Variants in ADARB2 observed in about 807,000 individuals in gnomAD.
The protein encoded by ADARB2 is inactive double-stranded RNA-specific editase B2.
Under a neutral mutation model 62.2 loss-of-function variants are expected in ADARB2, and 25 were observed. That is an observed-to-expected ratio of 0.40 (90% CI 0.29 to 0.56). The LOEUF is 0.56. ADARB2 is among the 20% of genes least tolerant of loss of function. The probability of loss-of-function intolerance (pLI) is 0.43; values close to 1 mark genes in which losing one functional copy is unlikely to be tolerated. For missense variants in ADARB2, 1,071 were observed against 1,077.4 expected (o/e 0.99, Z 0.08); for synonymous variants, 572 against 500.8 (o/e 1.14, Z -1.90).
chr10:1,506,803 C>CT (rs1831858453), intron 1 of ADARB2, among the ~76,000 whole-genome samples: 1 of 152,202 alleles, frequency 6.6e-6, no homozygotes, highest in African/African-American at 2.4e-5. Flanking sequence ...GAGGTGGAGT[C>CT]TTTGGGAGGT....
chr10:1,652,042 C>T (rs372842862), intron 1 of ADARB2, among the ~76,000 whole-genome samples: 5 of 152,330 alleles, frequency 3.3e-5, no homozygotes, highest in African/African-American at 9.6e-5. Flanking sequence ...GACGGGGCTG[C>T]GCCTTTCTCT....
At chr10:1,376,775 G>A (rs1272485410) in intron 2 of ADARB2, among the ~76,000 whole-genome samples, 1 of 151,146 alleles carries the variant, frequency 6.6e-6, no homozygotes, top group Non-Finnish European at 1.5e-5. Flanking sequence ...CGGGATCCCA[G>A]CAGCTCCAGG....
At chr10:1,705,208 C>T (rs990102929) in intron 1 of ADARB2, among the ~76,000 whole-genome samples, 3 of 152,230 alleles carry the variant, frequency 2.0e-5, no homozygotes, top group Non-Finnish European at 4.4e-5. Flanking sequence ...CACTTTGACA[C>T]TTTGAGGACA....
At chr10:1,729,633 C>A (rs1332508384) in intron 1 of ADARB2, among the ~76,000 whole-genome samples, 1 of 152,070 alleles carries the variant, frequency 6.6e-6, no homozygotes, top group South Asian at 2.1e-4. Flanking sequence ...ACTAATAAAA[C>A]CTGCTTTTTG....
At chr10:1,339,493 C>T (rs1231556128) in intron 3 of ADARB2, among the ~76,000 whole-genome samples, 1 of 152,226 alleles carries the variant, frequency 6.6e-6, no homozygotes, top group Non-Finnish European at 1.5e-5. Flanking sequence ...CATCTTGCCT[C>T]TCACATCCCT....
At chr10:1,431,852 A>T (rs1188842136) in intron 1 of ADARB2, among the ~76,000 whole-genome samples, 1 of 152,242 alleles carries the variant, frequency 6.6e-6, no homozygotes, top group Non-Finnish European at 1.5e-5. Context: ...CATACTTAGA[A>T]GAAATGGCTT....
chr10:1,184,832 G>C (rs1314625798), intron 9 of ADARB2, 29 bp downstream of exon 9: 1 of 1,601,876 alleles, frequency 6.2e-7, no homozygotes, highest in Non-Finnish European at 8.5e-7. Context: ...GCTGGGTCCA[G>C]TTTCCCTGCA....
At chr10:1,249,441 C>CA (rs59037749) in intron 4 of ADARB2, among the ~76,000 whole-genome samples, 4,687 of 74,172 alleles carry the variant, frequency 0.063, 103 homozygotes, top group Middle Eastern at 0.089. Context: ...GACCCTGTCT[C>CA]AAAAAAAAAA....
intron 3 of ADARB2, among the ~76,000 whole-genome samples, chr10:1,322,256 C>G (rs143329872): frequency 1.1e-3 from 175 of 152,226 alleles, no homozygotes; most frequent in African/African-American, 4.0e-3. Flanking sequence ...AGAACCTTGT[C>G]TTGGGAACTA....
intron 1 of ADARB2, among the ~76,000 whole-genome samples, chr10:1,491,312 C>T (rs1831618591): frequency 6.6e-6 from 1 of 152,216 alleles, no homozygotes; most frequent in Non-Finnish European, 1.5e-5. Context: ...TCAAGCAATC[C>T]TCCCATCTTG....
In ADARB2 at chr10:1,636,602, C is replaced by T. The variant is rs200710778; in HGVS notation, c.100+100449G>A. Among the ~76,000 whole-genome samples, 7 of 151,936 alleles carry T rather than the reference C, an allele frequency of 4.6e-5. No individual in the cohort carries two copies. The East Asian group carries it at 1.4e-3, about 29-fold the overall frequency. Reference sequence around the variant, plus strand: ...CAAGAGATACCACAGTTCATGCCACCAGTAATGCCAACAAGAATGTTGGTA... The same window carrying T: ...CAAGAGATACCACAGTTCATGCCACTAGTAATGCCAACAAGAATGTTGGTA... On this transcript the variant is annotated intron_variant, in intron 1 of 9. Coordinates refer to ENST00000381312, the MANE Select transcript of ADARB2 (RefSeq NM_018702.4).
chr10:1,363,929 A>G lies in ADARB2; in HGVS notation c.188-12T>C. On this transcript the variant is annotated splice_polypyrimidine_tract_variant and intron_variant, in intron 2 of 9. Transcript: ENST00000381312. Reference sequence around the variant, plus strand: ...CGCGCTGCTGGTACCTGGAGGGGAGAACAGACCAGTCAGGAGCCTGGGCGG... The same window carrying G: ...CGCGCTGCTGGTACCTGGAGGGGAGGACAGACCAGTCAGGAGCCTGGGCGG... 1 of 1,450,444 alleles carries G rather than the reference A, an allele frequency of 6.9e-7. No individual in the cohort carries two copies. The highest frequency in any genetic ancestry group is 2.6e-5 in the East Asian group (1 of 39,024). The allele number at this position is 1,450,444 out of a possible 1,614,324, so 89.8% of individuals were successfully genotyped here.
rs574608389 is a variant in ADARB2 at position 1,401,669 on chromosome 10, G to A, written c.101-22509C>T. On this transcript the variant is annotated intron_variant, in intron 1 of 9. Transcript: ENST00000381312. ...CGTGTCCCCATTTCTACCGAAGAGCGGCGGCTTCACGGCGGTTTGGGAGTG... is the reference window on the plus strand; with the variant it reads ...CGTGTCCCCATTTCTACCGAAGAGCAGCGGCTTCACGGCGGTTTGGGAGTG... Among the ~76,000 whole-genome samples, 240 of 152,326 alleles carry A rather than the reference G, an allele frequency of 1.6e-3. 2 individuals carry two copies. The Middle Eastern group carries it at 0.02, about 13-fold the overall frequency.
chr10:1,411,029 G>T (rs770861846), intron 1 of ADARB2, among the ~76,000 whole-genome samples: 2 of 152,172 alleles, frequency 1.3e-5, no homozygotes, highest in Non-Finnish European at 2.9e-5. Context: ...TGCTGTGCTG[G>T]TGTCTGCGCT....
intron 1 of ADARB2, among the ~76,000 whole-genome samples, chr10:1,487,310 T>G (rs1831556009): frequency 6.6e-6 from 1 of 152,252 alleles, no homozygotes; most frequent in African/African-American, 2.4e-5. Flanking sequence ...TGCAAGTTAT[T>G]GAAAACAAGT....
intron 4 of ADARB2, among the ~76,000 whole-genome samples, chr10:1,243,673 C>G (rs773928532): frequency 9.2e-5 from 14 of 152,226 alleles, no homozygotes; most frequent in Admixed American, 1.3e-4. Flanking sequence ...GGACCGAGCA[C>G]TGGGGAAGTA....
chr10:1,408,425 A>C (rs1470535978), intron 1 of ADARB2, among the ~76,000 whole-genome samples: 2 of 152,218 alleles, frequency 1.3e-5, no homozygotes, highest in Non-Finnish European at 2.9e-5. Flanking sequence ...ATGAGTCTTG[A>C]ACCACATCTA....
intron 1 of ADARB2, among the ~76,000 whole-genome samples, chr10:1,579,108 T>A (rs1833061757): frequency 6.6e-6 from 1 of 152,166 alleles, no homozygotes; most frequent in African/African-American, 2.4e-5. Flanking sequence ...CCAGCTCTGA[T>A]AGGCTGGCAT....
At chr10:1,715,283 A>C (rs1019427703) in intron 1 of ADARB2, among the ~76,000 whole-genome samples, 1 of 152,058 alleles carries the variant, frequency 6.6e-6, no homozygotes, top group Admixed American at 6.5e-5. Flanking sequence ...TTTCCAGTCT[A>C]CGTGGAAGTG....
Sources: gnomAD v4.1 joint callset for allele counts (sites outside exome capture counted in the v4.1 genomes callset) on GRCh38, gnomAD v4.1.1 for gene constraint, MANE v1.5 for transcripts, NCBI Gene and HGNC (gene_info 2026-07-23, HGNC 2026-07-21) for gene names.